The following LDLRAD4 variants were observed in gnomAD, a reference collection of about 807,000 sequenced individuals.
LDLRAD4 encodes low density lipoprotein receptor class A domain containing 4.
Under a neutral mutation model 17.0 loss-of-function variants are expected in LDLRAD4, and 5 were observed. The observed-to-expected ratio is 0.29, with a 90% CI of 0.15 to 0.62. LDLRAD4 has a LOEUF of 0.62. LDLRAD4 is among the 20% of genes least tolerant of loss of function. The pLI is 0.84. For missense variants in LDLRAD4, 340 were observed against 424.7 expected (o/e 0.80, Z 1.75); for synonymous variants, 168 against 171.8 (o/e 0.98, Z 0.17).
At chr18:13,333,155 T>A (rs2081950755) in intron 1 of LDLRAD4, among the ~76,000 whole-genome samples, 1 of 152,230 alleles carries the variant, frequency 6.6e-6, no homozygotes, top group African/African-American at 2.4e-5. Flanking sequence ...ATTTTCATTT[T>A]CCTGATGACC....
intron 1 of LDLRAD4, among the ~76,000 whole-genome samples, chr18:13,267,966 C>T (rs989961812): frequency 2.0e-5 from 3 of 152,200 alleles, no homozygotes; most frequent in East Asian, 1.9e-4. Context: ...TCACTTCAAG[C>T]GATCCTCCCA....
At chr18:13,535,267 A>G (rs2094187204) in intron 3 of LDLRAD4, among the ~76,000 whole-genome samples, 1 of 152,206 alleles carries the variant, frequency 6.6e-6, no homozygotes, top group South Asian at 2.1e-4. Flanking sequence ...AGTGGCTTTA[A>G]CATTTTGTAT....
intron 3 of LDLRAD4, among the ~76,000 whole-genome samples, chr18:13,589,501 T>C (rs2094981023): frequency 6.6e-6 from 1 of 152,144 alleles, no homozygotes; most frequent in South Asian, 2.1e-4. Context: ...TCACCGTGGC[T>C]TTTTGGGGAG....
intron 3 of LDLRAD4, among the ~76,000 whole-genome samples, chr18:13,575,851 G>T (rs1467692702): frequency 6.6e-6 from 1 of 152,122 alleles, no homozygotes; most frequent in Non-Finnish European, 1.5e-5. Context: ...TCCTATATTT[G>T]TTGGCCATTT....
At chr18:13,410,967 C>T (rs897350800) in intron 2 of LDLRAD4, among the ~76,000 whole-genome samples, 3 of 152,098 alleles carry the variant, frequency 2.0e-5, no homozygotes, top group South Asian at 2.1e-4. Flanking sequence ...AGTATCAATA[C>T]GGGCCAGGTG....
chr18:13,591,442 G>A (rs1371067019), intron 3 of LDLRAD4, among the ~76,000 whole-genome samples: 1 of 151,790 alleles, frequency 6.6e-6, no homozygotes, highest in East Asian at 1.9e-4. Flanking sequence ...CTGTGTGTGT[G>A]TGTGTGTCTC....
chr18:13,347,720 A>T (rs1044554511), intron 1 of LDLRAD4, among the ~76,000 whole-genome samples: 4 of 152,322 alleles, frequency 2.6e-5, no homozygotes, highest in Middle Eastern at 3.4e-3. Flanking sequence ...AATCAGACGT[A>T]GATTTGGTCT....
chr18:13,222,893 A>C (rs78326547), intron 1 of LDLRAD4, among the ~76,000 whole-genome samples: 2,388 of 152,332 alleles, frequency 0.016, 29 homozygotes, highest in Non-Finnish European at 0.026. Flanking sequence ...AGTATCTCAA[A>C]GCCAAGTTTC....
intron 3 of LDLRAD4, among the ~76,000 whole-genome samples, chr18:13,577,727 G>A (rs1278415152): frequency 6.6e-6 from 1 of 152,262 alleles, no homozygotes; most frequent in Non-Finnish European, 1.5e-5. Flanking sequence ...CTACATTATC[G>A]GTTGCAAATT....
At chr18:13,496,957 A>G (rs1458960460) in intron 3 of LDLRAD4, among the ~76,000 whole-genome samples, 6 of 152,356 alleles carry the variant, frequency 3.9e-5, no homozygotes, top group South Asian at 2.1e-4. Flanking sequence ...ACCTTTAAAC[A>G]TGACCTTTCA....
chr18:13,438,125 G>T, intron 2 of LDLRAD4, 119 bp from the exon 4 acceptor site: 1 of 903,888 alleles, frequency 1.1e-6, no homozygotes, highest in Non-Finnish European at 1.8e-6. Context: ...TCTCCAGATA[G>T]TCTGAGCTCC....
chr18:13,266,205 GT>G (rs1054316952), intron 1 of LDLRAD4, among the ~76,000 whole-genome samples: 8 of 152,168 alleles, frequency 5.3e-5, no homozygotes, highest in African/African-American at 1.9e-4. Context: ...TTCGGGGCTT[GT>G]TTTTAGGGCT....
chr18:13,581,325 A>G (rs2094854014), intron 3 of LDLRAD4, among the ~76,000 whole-genome samples: 1 of 152,190 alleles, frequency 6.6e-6, no homozygotes, highest in African/African-American at 2.4e-5. Flanking sequence ...AACCCCTAAT[A>G]CATTTCTGCT....
intron 1 of LDLRAD4, among the ~76,000 whole-genome samples, chr18:13,271,531 T>A (rs887561159): frequency 6.6e-6 from 1 of 152,234 alleles, no homozygotes; most frequent in Non-Finnish European, 1.5e-5. Context: ...GTCGAAGGCC[T>A]CTTCTCAGTG....
At chr18:13,234,385 G>A (rs2042233567) in intron 1 of LDLRAD4, among the ~76,000 whole-genome samples, 1 of 150,010 alleles carries the variant, frequency 6.7e-6, no homozygotes, top group African/African-American at 2.5e-5. Flanking sequence ...ACGGGGCCTG[G>A]TCATTGTGAG....
intron 4 of LDLRAD4, among the ~76,000 whole-genome samples, chr18:13,640,605 T>G (rs1030871493): frequency 2.6e-5 from 4 of 152,140 alleles, no homozygotes; most frequent in Non-Finnish European, 4.4e-5. Context: ...GCCCTTGTTT[T>G]GAGCAACAGG....
intron 3 of LDLRAD4, among the ~76,000 whole-genome samples, chr18:13,568,449 G>C (rs370453784): frequency 6.6e-6 from 1 of 152,214 alleles, no homozygotes; most frequent in African/African-American, 2.4e-5. Context: ...GTCTAGAATG[G>C]CTGCTGGAAC....
chr18:13,510,038 G>A (rs1475069820), intron 3 of LDLRAD4, among the ~76,000 whole-genome samples: 6 of 152,200 alleles, frequency 3.9e-5, no homozygotes, highest in Non-Finnish European at 7.3e-5. Context: ...CTGGGAAGCC[G>A]AAATATCTGT....
intron 2 of LDLRAD4, among the ~76,000 whole-genome samples, chr18:13,394,409 A>C (rs1335964989): frequency 1.3e-5 from 2 of 152,220 alleles, no homozygotes; most frequent in African/African-American, 4.8e-5. Flanking sequence ...ATTGCCTGAA[A>C]TTATATTTAT....
Sources: gnomAD v4.1 joint callset for allele counts (sites outside exome capture counted in the v4.1 genomes callset) on GRCh38, gnomAD v4.1.1 for gene constraint, MANE v1.5 for transcripts, NCBI Gene and HGNC (gene_info 2026-07-23, HGNC 2026-07-21) for gene names.